The following PLEKHA7 variants were observed in gnomAD, a reference collection of about 807,000 sequenced individuals.
PLEKHA7 encodes the protein pleckstrin homology domain-containing family A member 7.
PLEKHA7 carries 104 observed loss-of-function variants against 170.0 expected under a neutral mutation model. The observed-to-expected ratio is 0.61, with a 90% CI of 0.52 to 0.72. The LOEUF (loss-of-function observed/expected upper bound fraction) is 0.72, where lower values mean the gene tolerates loss of function less well. Among genes scored for constraint, PLEKHA7 ranks in the 30% least tolerant of loss-of-function variants. PLEKHA7 has a pLI of 0.00. For synonymous variants in PLEKHA7, 648 were observed against 660.8 expected, an observed-to-expected ratio of 0.98 and a Z score of 0.30; for missense variants, 1,615 against 1,671.7, an observed-to-expected ratio of 0.97 and a Z score of 0.59.
At chr11:16,892,675 T>C (rs960208371) in intron 3 of PLEKHA7, among the ~76,000 whole-genome samples, 2 of 145,650 alleles carry the variant, frequency 1.4e-5, no homozygotes, top group African/African-American at 5.2e-5. Context: ...TTCACCATAT[T>C]GCCCAGGCTA....
intron 3 of PLEKHA7, among the ~76,000 whole-genome samples, chr11:16,919,105 C>T (rs1565115318): frequency 1.3e-5 from 2 of 151,998 alleles, no homozygotes; most frequent in Admixed American, 6.6e-5. Flanking sequence ...TTCCAGCTAC[C>T]TGGGAGGCTG....
In PLEKHA7 at chr11:16,791,972, T is replaced by C. The variant is rs553168210; in HGVS notation, c.2746-773A>G. 6.6e-6 allele frequency among the ~76,000 whole-genome samples: 1 copy of C among 152,294 alleles called. No individual in the cohort carries two copies. Among genetic ancestry groups the C allele is most frequent in the East Asian group, 1.9e-4 (1 of 5,188 alleles). On this transcript the variant is annotated intron_variant, in intron 19 of 26. Transcript: ENST00000531066. This position sits in a 1 kb window ranked among gnomAD's most constrained non-coding sequence, Gnocchi z 4.5. ...ACCATCATGCCTTCCACCTCCTAAA[T>C]TCCCTCTTTCTCGGTCTAATTTGGT...
At chr11:16,903,152 T>G (rs1179851141) in intron 3 of PLEKHA7, among the ~76,000 whole-genome samples, 1 of 152,222 alleles carries the variant, frequency 6.6e-6, no homozygotes, top group East Asian at 1.9e-4. Flanking sequence ...CTGTATTAAA[T>G]CCATTTCTGT....
intron 3 of PLEKHA7, among the ~76,000 whole-genome samples, chr11:16,967,606 C>T (rs1176800611): frequency 1.3e-5 from 2 of 152,126 alleles, no homozygotes; most frequent in Non-Finnish European, 2.9e-5. Context: ...GAGTCCTGGG[C>T]CTCACAGCAC....
rs555539596 is a variant in PLEKHA7, at chr11:16,973,794, G to C, written c.221+40195C>G. Among the ~76,000 whole-genome samples the C allele has an allele frequency of 1.2e-4, 18 of 152,198 alleles. No homozygotes were observed. The East Asian group carries it at 3.5e-3, about 29-fold the overall frequency. ...TCCAACCTGAGTCTCCCTCTGGAGT[G>C]TTCCTCCCCATCCACTGTGAGTATC... On this transcript the variant is annotated intron_variant, in intron 3 of 26. Transcript: ENST00000531066.
intron 3 of PLEKHA7, among the ~76,000 whole-genome samples, chr11:16,948,868 C>T (rs1027664934): frequency 2.6e-5 from 4 of 152,224 alleles, no homozygotes; most frequent in African/African-American, 9.6e-5. Flanking sequence ...AGGGCATCCT[C>T]AACACAGGTC....
intron 3 of PLEKHA7, among the ~76,000 whole-genome samples, chr11:16,956,375 G>C (rs952084883): frequency 1.3e-5 from 2 of 152,164 alleles, no homozygotes; most frequent in Admixed American, 1.3e-4. Context: ...CAATTCTGAA[G>C]GGGGAAGTAA....
At chr11:16,779,277 A>T (rs1485247691) in intron 26 of PLEKHA7, among the ~76,000 whole-genome samples, 1 of 152,210 alleles carries the variant, frequency 6.6e-6, no homozygotes, top group Non-Finnish European at 1.5e-5. Flanking sequence ...CAAAGACTCT[A>T]ATAAAGGTGC....
intron 3 of PLEKHA7, among the ~76,000 whole-genome samples, chr11:16,876,936 G>A (rs144264057): frequency 9.9e-5 from 15 of 152,140 alleles, no homozygotes; most frequent in Admixed American, 5.2e-4. Context: ...AGTGGGGGTC[G>A]GAGCACCCTG....
At chr11:16,909,372 C>T (rs1858088614) in intron 3 of PLEKHA7, among the ~76,000 whole-genome samples, 1 of 152,188 alleles carries the variant, frequency 6.6e-6, no homozygotes. Flanking sequence ...AAATCAGTGA[C>T]AACCACATCT....
At position 16,801,823 on chromosome 11, in the gene PLEKHA7, C is replaced by T; in HGVS notation, c.2158-6G>A. ...AGCACAGATTCTAGCTGGTCCTGCA[C>T]CACGAAGGGCCAAAAAACAGCAGGA... On this transcript the variant is annotated splice_polypyrimidine_tract_variant and splice_region_variant and intron_variant, in intron 15 of 26. Coordinates refer to ENST00000531066, the MANE Select transcript of PLEKHA7 (RefSeq NM_001329630.2). 1 of 1,613,886 alleles carries T rather than the reference C, an allele frequency of 6.2e-7. No homozygotes were observed. The highest frequency in any genetic ancestry group is 8.5e-7 in the Non-Finnish European group (1 of 1,179,994).
At chr11:16,785,019 G>T (rs1849302465) in intron 24 of PLEKHA7, among the ~76,000 whole-genome samples, 1 of 152,170 alleles carries the variant, frequency 6.6e-6, no homozygotes. Flanking sequence ...ACAAGGTCTT[G>T]GGGCAGGGGA....
intron 3 of PLEKHA7, among the ~76,000 whole-genome samples, chr11:16,940,348 CGTG>C (rs1860606241): frequency 7.2e-6 from 1 of 139,786 alleles, no homozygotes; most frequent in African/African-American, 2.7e-5. Flanking sequence ...AGTGCAATGG[CGTG>C]ATCTGGGCTC....
chr11:16,833,025 C>T (rs1294591326), intron 9 of PLEKHA7, among the ~76,000 whole-genome samples: 1 of 152,186 alleles, frequency 6.6e-6, no homozygotes, highest in Admixed American at 6.5e-5. Flanking sequence ...GGCAGGCTCG[C>T]TCTTTTGAAT....
intron 3 of PLEKHA7, among the ~76,000 whole-genome samples, chr11:16,971,279 T>C (rs936394661): frequency 6.6e-6 from 1 of 152,212 alleles, no homozygotes; most frequent in Non-Finnish European, 1.5e-5. Flanking sequence ...AACCTCCAAA[T>C]GCCAGCCTGT....
intron 3 of PLEKHA7, among the ~76,000 whole-genome samples, chr11:16,904,254 T>G (rs2136074094): frequency 6.6e-6 from 1 of 152,354 alleles, no homozygotes; most frequent in South Asian, 2.1e-4. Flanking sequence ...GCCTGCTCTG[T>G]ACCCATCCAT....
intron 3 of PLEKHA7, among the ~76,000 whole-genome samples, chr11:16,899,040 T>G (rs1857163058): frequency 6.6e-6 from 1 of 152,170 alleles, no homozygotes; most frequent in South Asian, 2.1e-4. Flanking sequence ...CCAATCAAGA[T>G]CTCATAGGGT....
chr11:16,966,286 ATGTATG>A (rs1211191078), intron 3 of PLEKHA7, among the ~76,000 whole-genome samples: 15 of 111,056 alleles, frequency 1.4e-4, no homozygotes, highest in African/African-American at 5.3e-4. Flanking sequence ...ATGGTTGTGC[ATGTATG>A]TGTGTGTGTG....
chr11:16,931,638 T>C (rs925868723), intron 3 of PLEKHA7, among the ~76,000 whole-genome samples: 3 of 151,756 alleles, frequency 2.0e-5, no homozygotes, highest in African/African-American at 7.3e-5. Context: ...GTGGCGCGCC[T>C]GTAATCCCAG....
Sources: allele counts gnomAD v4.1 joint callset (sites outside exome capture counted in the v4.1 genomes callset), GRCh38; gene constraint gnomAD v4.1.1; non-coding constraint Gnocchi (gnomAD v3.1); transcripts MANE v1.5; gene names NCBI Gene and HGNC (gene_info 2026-07-23, HGNC 2026-07-21).